Variants in SYT7 observed in about 807,000 individuals in gnomAD.
The protein encoded by SYT7 is synaptotagmin 7, also known as synaptotagmin-7.
SYT7 carries 29 observed loss-of-function variants against 75.1 expected under a neutral mutation model. The observed-to-expected ratio is 0.39, with a 90% confidence interval of 0.29 to 0.53. The LOEUF (loss-of-function observed/expected upper bound fraction) is 0.53. Ranked by LOEUF, SYT7 falls within the 20% of genes least tolerant of loss-of-function variation. The pLI is 0.77. For missense variants in SYT7, 693 were observed against 953.2 expected, an observed-to-expected ratio of 0.73 and a Z score of 3.59; for synonymous variants, 376 against 401.7, an observed-to-expected ratio of 0.94 and a Z score of 0.76.
chr11:61,564,919 T>A (rs778454856), intron 1 of SYT7, among the ~76,000 whole-genome samples: 2 of 152,182 alleles, frequency 1.3e-5, no homozygotes, highest in Non-Finnish European at 2.9e-5. Context: ...GGGCTGGGTA[T>A]CTGGCACTGG....
the SYT7 span, among the ~76,000 whole-genome samples, chr11:61,587,841 C>A: frequency 6.6e-6 from 1 of 152,194 alleles, no homozygotes. Flanking sequence ...TGCCGCGGAG[C>A]CCGCGTGAGC....
At position 61,517,702 on chromosome 11, in the gene SYT7, G is replaced by A. The variant is rs2062183240; in HGVS notation, c.*925C>T. 1.0e-5 allele frequency: 4 copies of A among 397,982 alleles called. No homozygotes were observed. The highest frequency in any genetic ancestry group is 8.8e-5 in the Admixed American group (2 of 22,712). 24.7% of individuals were successfully genotyped at this position (397,982 alleles called of 1,614,324 possible). ...AGCTAGTCGGGGCTCGGGACCCCCT[G>A]AGAAGGAAGGGAGATGAGTCCTGGT... is the stretch of plus-strand genomic sequence containing the variant. On this transcript the variant is annotated 3_prime_UTR_variant, in exon 13 of 13. Coordinates refer to ENST00000539008, the MANE Select transcript of SYT7 (RefSeq NM_001365809.2).
intron 8 of SYT7, among the ~76,000 whole-genome samples, chr11:61,529,378 C>A (rs957008056): frequency 2.0e-5 from 3 of 152,198 alleles, no homozygotes; most frequent in Non-Finnish European, 4.4e-5. Context: ...CAGCGACTCT[C>A]GCATCGCCGT....
At chr11:61,539,623 TCAAC>T (rs2062984034) in intron 6 of SYT7, 1 of 152,208 alleles carries the variant, frequency 6.6e-6, no homozygotes, top group African/African-American at 2.4e-5. Flanking sequence ...GTCTACCACT[TCAAC>T]CACTGTGAAG....
At chr11:61,538,032 T>A in intron 7 of SYT7, 112 bp downstream of exon 7, 2 of 1,434,698 alleles carry the variant, frequency 1.4e-6, no homozygotes, top group Non-Finnish European at 1.9e-6. Flanking sequence ...CGCTCCAGCA[T>A]CCGCTGAAGG....
upstream of SYT7, among the ~76,000 whole-genome samples, chr11:61,585,997 C>G (rs958295883): frequency 2.0e-5 from 3 of 152,142 alleles, no homozygotes. Context: ...TTCCTGGTTC[C>G]CTAGGGGTAA....
chr11:61,527,056 C>A (rs1044082575), intron 9 of SYT7, among the ~76,000 whole-genome samples: 2 of 152,164 alleles, frequency 1.3e-5, no homozygotes, highest in African/African-American at 4.8e-5. Flanking sequence ...GGATAGAAAT[C>A]ACTCCTTAAT....
rs115815714 is a variant in SYT7, at chr11:61,515,348, C to T, written c.*3279G>A. 2 of 152,180 alleles carry T rather than the reference C, an allele frequency of 1.3e-5. No individual in the cohort carries two copies. The highest frequency in any genetic ancestry group is 4.8e-5 in the African/African-American group (2 of 41,440). The allele number at this position is 152,180 out of a possible 1,614,324, so 9.4% of individuals were successfully genotyped here. ...CGATCCTTTATTAATCAGAACAGGCCTTGCCACAAAAAGCAGGGCCCATTC... is the reference window on the plus strand; with the variant it reads ...CGATCCTTTATTAATCAGAACAGGCTTTGCCACAAAAAGCAGGGCCCATTC... On this transcript the variant is annotated 3_prime_UTR_variant, in exon 13 of 13. Transcript: ENST00000539008.
chr11:61,548,823 G>A (rs1176562453), intron 3 of SYT7, among the ~76,000 whole-genome samples: 3 of 152,234 alleles, frequency 2.0e-5, no homozygotes, highest in Non-Finnish European at 4.4e-5. Flanking sequence ...AGGCCCAGAT[G>A]AGATGGTGGC....
intron 9 of SYT7, among the ~76,000 whole-genome samples, chr11:61,527,063 T>A (rs2062542064): frequency 6.6e-6 from 1 of 152,142 alleles, no homozygotes; most frequent in Admixed American, 6.5e-5. Context: ...AATCACTCCT[T>A]AATCACACGC....
In SYT7 at chr11:61,538,069, GC is replaced by G. The variant is rs1331577657; in HGVS notation, c.1064+74del. On this transcript the variant is annotated intron_variant, in intron 7 of 12. Coordinates refer to ENST00000539008, the MANE Select transcript of SYT7 (RefSeq NM_001365809.2). The stretch of plus-strand genomic sequence containing the variant: ...ACCACCACCTCGTCCAGCAGCCGGG[GC>G]CGGTCGAGGCAGGCGGCCTCTCCGC... The G allele has an allele frequency of 7.5e-5, 114 of 1,519,786 alleles. No homozygotes were observed. The South Asian group carries it at 1.3e-3, about 18-fold the overall frequency. 94.1% of individuals were successfully genotyped at this position (1,519,786 alleles called of 1,614,324 possible).
chr11:61,516,991 C>A lies in SYT7; in HGVS notation c.*1636G>T. 2.9e-6 allele frequency: 1 copy of A among 349,194 alleles called. No individual in the cohort carries two copies. Among genetic ancestry groups the A allele is most frequent in the Non-Finnish European group, 5.1e-6 (1 of 195,254 alleles). 21.6% of individuals were successfully genotyped at this position (349,194 alleles called of 1,614,324 possible). A position where few individuals can be genotyped will look rare whatever the true frequency, so the allele number is the denominator to read the frequency against. On this transcript the variant is annotated 3_prime_UTR_variant, in exon 13 of 13. Transcript: ENST00000539008. This position sits in a 1 kb window ranked among gnomAD's most constrained non-coding sequence, Gnocchi z 4.6. ...CAAATGCCAATGGTCTCCCCACGCC[C>A]TGGATGTGGGGACCCTATCCAGAGT...
At chr11:61,534,882 G>A (rs1003653540) in intron 7 of SYT7, among the ~76,000 whole-genome samples, 2 of 152,216 alleles carry the variant, frequency 1.3e-5, no homozygotes, top group South Asian at 2.1e-4. Flanking sequence ...GTGCTCACAC[G>A]GGCAGGCAGG....
intron 1 of SYT7, among the ~76,000 whole-genome samples, chr11:61,565,026 G>A (rs1489158710): frequency 6.6e-6 from 1 of 152,190 alleles, no homozygotes; most frequent in African/African-American, 2.4e-5. Context: ...CACTACTCCG[G>A]AGATAAAGCA....
intron 1 of SYT7, among the ~76,000 whole-genome samples, chr11:61,568,839 T>C (rs890201300): frequency 6.6e-6 from 1 of 152,208 alleles, no homozygotes; most frequent in Non-Finnish European, 1.5e-5. Flanking sequence ...TTGACCCTCA[T>C]GATCTTGAGG....
intron 4 of SYT7, 125 bp downstream of exon 4, chr11:61,547,052 T>G (rs1218807109): frequency 2.4e-6 from 3 of 1,230,728 alleles, no homozygotes; most frequent in African/African-American, 3.1e-5. Flanking sequence ...GGTGGGGAAG[T>G]TGGGGGACAG....
chr11:61,563,827 C>A (rs1347288566), intron 1 of SYT7, among the ~76,000 whole-genome samples: 1 of 152,224 alleles, frequency 6.6e-6, no homozygotes, highest in Non-Finnish European at 1.5e-5. Context: ...ATAATTAGCT[C>A]TTTCTGTGTC....
Position 61,576,346 on chromosome 11 carries a change from G to A in SYT7, c.31+4444C>T, listed in dbSNP as rs934495590. On this transcript the variant is annotated intron_variant, in intron 1 of 12. Coordinates refer to ENST00000539008, the MANE Select transcript of SYT7 (RefSeq NM_001365809.2). This position sits in a 1 kb window ranked among gnomAD's most constrained non-coding sequence, Gnocchi z 4.1. ...GCAGGCAGGCACCCGGGCTGGGCCT[G>A]GCACAGGCTGGTGCCGGCACCTGGC... is the stretch of plus-strand genomic sequence containing the variant. Among the ~76,000 whole-genome samples the A allele has an allele frequency of 6.6e-6, 1 of 152,228 alleles. No homozygotes were observed. The highest frequency in any genetic ancestry group is 1.5e-5 in the Non-Finnish European group (1 of 68,022).
At chr11:61,555,290 C>T (rs192113379) in intron 2 of SYT7, among the ~76,000 whole-genome samples, 6 of 152,350 alleles carry the variant, frequency 3.9e-5, no homozygotes, top group Admixed American at 2.0e-4. Context: ...CGGACACCCC[C>T]GGGCCCACCG....
Sources: allele counts gnomAD v4.1 joint callset (sites outside exome capture counted in the v4.1 genomes callset), GRCh38; gene constraint gnomAD v4.1.1; non-coding constraint Gnocchi (gnomAD v3.1); transcripts MANE v1.5; gene names NCBI Gene and HGNC (gene_info 2026-07-23, HGNC 2026-07-21).